Variants in DNER observed in about 807,000 individuals in gnomAD.
The protein encoded by DNER is delta/notch like EGF repeat containing, also known as delta and Notch-like epidermal growth factor-related receptor.
DNER carries 33 observed loss-of-function variants against 78.2 expected under a neutral mutation model. That is an observed-to-expected ratio of 0.42 (90% CI 0.32 to 0.56). DNER has a LOEUF of 0.56. DNER is among the 20% of genes least tolerant of loss of function. The pLI is 0.11. For missense variants in DNER, 918 were observed against 975.3 expected (o/e 0.94, Z 0.78); for synonymous variants, 417 against 384.8 (o/e 1.08, Z -0.98).
At chr2:229,586,145 C>T (rs1015117373) in intron 3 of DNER, 121 bp from the exon 4 acceptor site, 5 of 1,231,138 alleles carry the variant, frequency 4.1e-6, no homozygotes, top group South Asian at 3.3e-5. Context: ...ACCAGGAGAT[C>T]GATGGCATAA....
Position 229,476,746 on chromosome 2 carries a change from G to A in DNER, c.1261+394C>T, listed in dbSNP as rs1296333601. ...AAAGATGTGGTTTTTCAGGTGACTT[G>A]AATTTTCTAAGACATTATGAAGTTG... is the stretch of plus-strand genomic sequence containing the variant. On this transcript the variant is annotated intron_variant, in intron 7 of 12. Coordinates refer to ENST00000341772, the MANE Select transcript of DNER (RefSeq NM_139072.4). Among the ~76,000 whole-genome samples the A allele has an allele frequency of 3.9e-5, 6 of 151,956 alleles. No individual in the cohort carries two copies. In the South Asian group the frequency reaches 6.2e-4, roughly 16 times the overall value.
At chr2:229,500,837 T>C (rs893239218) in intron 6 of DNER, among the ~76,000 whole-genome samples, 3 of 152,168 alleles carry the variant, frequency 2.0e-5, no homozygotes, top group African/African-American at 7.2e-5. Flanking sequence ...CAGTCTTTTA[T>C]CTCTCACCCC....
At chr2:229,658,308 T>G (rs1698946139) in intron 1 of DNER, among the ~76,000 whole-genome samples, 1 of 152,228 alleles carries the variant, frequency 6.6e-6, no homozygotes, top group Non-Finnish European at 1.5e-5. Flanking sequence ...GAGAAATCAG[T>G]ACTTCCAACT....
In DNER at chr2:229,585,881, G is replaced by A. The variant is rs1410663249; in HGVS notation, c.824C>T (p.Ala275Val). ...ACCAATAAAGTGATTATTCCCCAAG[G>A]CGAGCATCTCCTCCAGGAGGACCAG... ...GGLVLLEEML[A>V]LGNNHFIGFV... The change falls in exon 4 of 13, where the codon GCC (alanine) becomes GTC (valine). Residue 275 changes from alanine to valine, a missense_variant. Transcript: ENST00000341772. 4 of 1,613,712 alleles carry A rather than the reference G, an allele frequency of 2.5e-6. No individual in the cohort carries two copies. The highest frequency in any genetic ancestry group is 4.5e-5 in the East Asian group (2 of 44,870).
At chr2:229,360,549 A>C (rs1476915495) in intron 12 of DNER, among the ~76,000 whole-genome samples, 28 of 152,118 alleles carry the variant, frequency 1.8e-4, no homozygotes, top group Admixed American at 1.8e-3. Context: ...AGTAGCTGGG[A>C]CTACAGGCGC....
At chr2:229,637,675 G>C (rs1698551799) in intron 1 of DNER, among the ~76,000 whole-genome samples, 1 of 152,146 alleles carries the variant, frequency 6.6e-6, no homozygotes, top group Admixed American at 6.5e-5. Context: ...GAAATCAGCT[G>C]TATGGGGCAT....
chr2:229,593,279 A>G (rs1277962381), intron 1 of DNER, among the ~76,000 whole-genome samples: 2 of 151,980 alleles, frequency 1.3e-5, no homozygotes, highest in Admixed American at 1.3e-4. Flanking sequence ...CTTGTAGCCT[A>G]CTGTCCTCAC....
chr2:229,529,534 T>G (rs1177426061), intron 5 of DNER, among the ~76,000 whole-genome samples: 1 of 152,230 alleles, frequency 6.6e-6, no homozygotes, highest in Admixed American at 6.5e-5. Flanking sequence ...AACCCAACAT[T>G]AATACTTCTG....
At chr2:229,643,027 G>A (rs552020371) in intron 1 of DNER, among the ~76,000 whole-genome samples, 18 of 152,174 alleles carry the variant, frequency 1.2e-4, no homozygotes, top group African/African-American at 2.6e-4. Context: ...GGGTGGTCTC[G>A]AGAGATGGTG....
At chr2:229,386,854 A>T (rs984568207) in intron 11 of DNER, among the ~76,000 whole-genome samples, 2 of 152,194 alleles carry the variant, frequency 1.3e-5, no homozygotes, top group African/African-American at 4.8e-5. Context: ...GTGGAGAAAT[A>T]GGAATGCTTT....
intron 3 of DNER, 120 bp from the exon 4 acceptor site, chr2:229,586,144 T>G: frequency 4.1e-6 from 5 of 1,206,048 alleles, no homozygotes; most frequent in Non-Finnish European, 4.5e-6. Flanking sequence ...TACCAGGAGA[T>G]CGATGGCATA....
chr2:229,378,778 C>T (rs1692666913), intron 11 of DNER, among the ~76,000 whole-genome samples: 1 of 152,180 alleles, frequency 6.6e-6, no homozygotes, highest in Non-Finnish European at 1.5e-5. Flanking sequence ...TCACGCAGGA[C>T]TAGAGGCCTC....
At chr2:229,369,624 T>C (rs1400692416) in intron 11 of DNER, among the ~76,000 whole-genome samples, 1 of 152,154 alleles carries the variant, frequency 6.6e-6, no homozygotes, top group Non-Finnish European at 1.5e-5. Flanking sequence ...GCACATGCTC[T>C]GAGCTGAGGA....
chr2:229,363,252 C>A (rs1028731330), intron 12 of DNER, among the ~76,000 whole-genome samples: 1 of 152,238 alleles, frequency 6.6e-6, no homozygotes, highest in African/African-American at 2.4e-5. Flanking sequence ...CCCGACACAG[C>A]CTCAGTCACT....
chr2:229,491,974 C>G (rs963652014), intron 6 of DNER, among the ~76,000 whole-genome samples: 1 of 151,628 alleles, frequency 6.6e-6, no homozygotes. Context: ...CACACACACA[C>G]ACAGACACAC....
rs994272674 is a variant in DNER, at chr2:229,418,255, C to T, written c.1487-25G>A. 4.3e-6 allele frequency: 7 copies of T among 1,613,170 alleles called. No individual in the cohort carries two copies. In the African/African-American group the frequency reaches 6.7e-5, roughly 15 times the overall value. ...CCTGAGGGACAGAGAGAAAGGCCCA[C>T]TGTCAAATGCATCCCATTTACAACC... On this transcript the variant is annotated intron_variant, in intron 8 of 12. Transcript: ENST00000341772.
Position 229,477,238 on chromosome 2 carries a change from A to C in DNER, c.1163T>G (p.Leu388Arg). 6.2e-7 allele frequency: 1 copy of C among 1,613,144 alleles called. No individual in the cohort carries two copies. The highest frequency in any genetic ancestry group is 8.5e-7 in the Non-Finnish European group (1 of 1,179,528). Residue 388 changes from leucine to arginine, a missense_variant, in exon 7 of 13, where the codon CTT becomes CGT. Coordinates refer to ENST00000341772, the MANE Select transcript of DNER (RefSeq NM_139072.4). ...GCAGTAATCAATCTTGGACTGGCAA[A>C]GCTCTCCAGTATAACCTGAATAAAA... ...CVCLPGYTGE[L>R]CQSKIDYCIL...
chr2:229,445,163 GT>G (rs1275546120), intron 8 of DNER, among the ~76,000 whole-genome samples: 2 of 152,182 alleles, frequency 1.3e-5, no homozygotes, highest in Non-Finnish European at 2.9e-5. Context: ...AGCTTGTTTA[GT>G]TTGCAAACAC....
At chr2:229,628,887 G>A (rs143817731) in intron 1 of DNER, among the ~76,000 whole-genome samples, 19 of 152,296 alleles carry the variant, frequency 1.2e-4, no homozygotes, top group Non-Finnish European at 1.8e-4. Flanking sequence ...GACCACTGAC[G>A]TTTCCATCTT....
Sources: allele counts gnomAD v4.1 joint callset (sites outside exome capture counted in the v4.1 genomes callset), GRCh38; gene constraint gnomAD v4.1.1; transcripts MANE v1.5; gene names NCBI Gene and HGNC (gene_info 2026-07-23, HGNC 2026-07-21).